Variants in DLG2 observed in about 807,000 individuals in gnomAD.
DLG2 encodes disks large homolog 2.
Under a neutral mutation model 132.5 loss-of-function variants are expected in DLG2, and 45 were observed. The observed-to-expected ratio is 0.34, with a 90% CI of 0.27 to 0.44. The LOEUF (loss-of-function observed/expected upper bound fraction) is 0.44. Among genes scored for constraint, DLG2 ranks in the 20% least tolerant of loss-of-function variants. The pLI, the probability that DLG2 is intolerant of heterozygous loss-of-function variation, is 1.00. For missense variants in DLG2, 1,045 were observed against 1,196.9 expected, an observed-to-expected ratio of 0.87 and a Z score of 1.87; for synonymous variants, 424 against 419.6, an observed-to-expected ratio of 1.01 and a Z score of -0.13.
chr11:83,778,247 G>A (rs1009342258), intron 18 of DLG2, among the ~76,000 whole-genome samples: 13 of 152,076 alleles, frequency 8.5e-5, no homozygotes, highest in African/African-American at 2.7e-4. Context: ...GAAGATCTGT[G>A]TTCATTTTGT....
intron 24 of DLG2, 125 bp from the exon 25 acceptor site, chr11:83,469,498 A>C (rs889279393): frequency 5.8e-6 from 4 of 693,562 alleles, no homozygotes; most frequent in African/African-American, 1.8e-5. Flanking sequence ...GAAATATGAC[A>C]TAGTAACAGG....
intron 6 of DLG2, among the ~76,000 whole-genome samples, chr11:84,738,841 T>C (rs1316201309): frequency 6.6e-6 from 1 of 152,122 alleles, no homozygotes; most frequent in African/African-American, 2.4e-5. Context: ...TATCTCCAAA[T>C]TGGAAGCAAC....
chr11:85,501,945 T>A (rs1320480423), intron 3 of DLG2, among the ~76,000 whole-genome samples: 8 of 152,082 alleles, frequency 5.3e-5, no homozygotes, highest in Non-Finnish European at 1.2e-4. Flanking sequence ...TATAAATCAT[T>A]CTACGATAAA....
At chr11:83,913,276 A>T (rs1000369621) in intron 15 of DLG2, among the ~76,000 whole-genome samples, 2 of 152,068 alleles carry the variant, frequency 1.3e-5, no homozygotes, top group South Asian at 2.1e-4. Context: ...TTATCTTTGT[A>T]TTCTCAGTTG....
chr11:83,546,861 G>T (rs12576417), intron 19 of DLG2, among the ~76,000 whole-genome samples: 1 of 152,082 alleles, frequency 6.6e-6, no homozygotes, highest in African/African-American at 2.4e-5. Context: ...ATCCTGCAGT[G>T]CATATATTAG....
At chr11:84,552,759 G>A (rs533158973) in intron 6 of DLG2, among the ~76,000 whole-genome samples, 97 of 152,212 alleles carry the variant, frequency 6.4e-4, no homozygotes, top group African/African-American at 2.3e-3. Context: ...CCTAGTAACT[G>A]GTTTCCTTAT....
In DLG2 at chr11:84,867,901, C is replaced by T. The variant is rs558543773; in HGVS notation, c.357+243760G>A. On this transcript the variant is annotated intron_variant, in intron 6 of 27. Transcript: ENST00000376104. ...CATCCTGGCCAACACGGTGAAACCC[C>T]ATCTCTACTAAAAATACAAAAAATT... 4.6e-5 allele frequency among the ~76,000 whole-genome samples: 7 copies of T among 152,026 alleles called. No individual in the cohort carries two copies. In the South Asian group the frequency reaches 8.3e-4, roughly 18 times the overall value.
chr11:83,956,613 C>A (rs767449267), intron 14 of DLG2, among the ~76,000 whole-genome samples: 1 of 152,190 alleles, frequency 6.6e-6, no homozygotes, highest in Non-Finnish European at 1.5e-5. Flanking sequence ...GTGCCCCTAC[C>A]GCGAGTCCAG....
At chr11:84,565,925 AACT>A (rs1340336309) in intron 6 of DLG2, among the ~76,000 whole-genome samples, 6 of 151,742 alleles carry the variant, frequency 4.0e-5, no homozygotes, top group Admixed American at 3.9e-4. Context: ...ACACCAACAT[AACT>A]ACTATTTCCA....
intron 17 of DLG2, among the ~76,000 whole-genome samples, chr11:83,809,598 C>G (rs1269907189): frequency 6.6e-6 from 1 of 152,152 alleles, no homozygotes; most frequent in Non-Finnish European, 1.5e-5. Context: ...TGAACTGACC[C>G]TTAGTCCTTG....
chr11:84,193,602 T>G (rs2096457321), intron 8 of DLG2, among the ~76,000 whole-genome samples: 1 of 152,234 alleles, frequency 6.6e-6, no homozygotes, highest in African/African-American at 2.4e-5. Flanking sequence ...TTTCCACTTT[T>G]GATTAAACCT....
chr11:83,991,779 G>A (rs188567075), intron 11 of DLG2, among the ~76,000 whole-genome samples: 2 of 152,194 alleles, frequency 1.3e-5, no homozygotes, highest in African/African-American at 4.8e-5. Flanking sequence ...CATGGCATCT[G>A]TTATAGGTTG....
intron 6 of DLG2, among the ~76,000 whole-genome samples, chr11:84,779,472 AG>A (rs1432389393): frequency 3.3e-5 from 5 of 152,094 alleles, no homozygotes; most frequent in Non-Finnish European, 7.4e-5. Context: ...TGGAGTCATT[AG>A]TTTTTTCTAA....
intron 6 of DLG2, among the ~76,000 whole-genome samples, chr11:84,972,953 T>TC (rs2054312579): frequency 6.6e-6 from 1 of 151,376 alleles, no homozygotes; most frequent in Non-Finnish European, 1.5e-5. Context: ...TTTTTGGGTT[T>TC]TTTTTTTTTT....
chr11:83,896,052 CT>C (rs56177840), intron 15 of DLG2, among the ~76,000 whole-genome samples: 61,811 of 151,958 alleles, frequency 0.41, 13,010 homozygotes, highest in South Asian at 0.59. Flanking sequence ...CAGGGACTCT[CT>C]TATGTATACA....
intron 18 of DLG2, among the ~76,000 whole-genome samples, chr11:83,702,708 C>T (rs1353339993): frequency 6.6e-6 from 1 of 152,200 alleles, no homozygotes; most frequent in African/African-American, 2.4e-5. Context: ...CTGTCTCTTC[C>T]TGGTGCTCAT....
chr11:83,471,535 G>T, intron 24 of DLG2, 91 bp downstream of exon 24: 1 of 889,426 alleles, frequency 1.1e-6, no homozygotes, highest in Non-Finnish European at 1.8e-6. Context: ...TTACTGGAGA[G>T]ACTACTGGAG....
At chr11:85,236,152 TACAA>T (rs1242098169) in intron 4 of DLG2, among the ~76,000 whole-genome samples, 5 of 151,990 alleles carry the variant, frequency 3.3e-5, no homozygotes, top group African/African-American at 1.2e-4. Context: ...AATCTCACTT[TACAA>T]ACAAAGAAAC....
chr11:85,107,239 C>T (rs1306452900), intron 6 of DLG2, among the ~76,000 whole-genome samples: 1 of 151,918 alleles, frequency 6.6e-6, no homozygotes, highest in African/African-American at 2.4e-5. Context: ...CATTAATTTC[C>T]AGTAACTAAG....
Sources: gnomAD v4.1 joint callset for allele counts (sites outside exome capture counted in the v4.1 genomes callset) on GRCh38, gnomAD v4.1.1 for gene constraint, MANE v1.5 for transcripts, NCBI Gene and HGNC (gene_info 2026-07-23, HGNC 2026-07-21) for gene names.